The following PHF3 variants were observed in gnomAD, a reference collection of about 807,000 sequenced individuals.
The protein encoded by PHF3 is PHD finger protein 3.
Under a neutral mutation model 178.4 loss-of-function variants are expected in PHF3, and 41 were observed. That is an observed-to-expected ratio of 0.23 (90% CI 0.18 to 0.30). The LOEUF is 0.30. PHF3 is among the 10% of genes least tolerant of loss of function. The probability of loss-of-function intolerance (pLI) is 1.00; values close to 1 mark genes in which losing one functional copy is unlikely to be tolerated. For missense variants in PHF3, 2,346 were observed against 2,398.1 expected, an observed-to-expected ratio of 0.98 and a Z score of 0.45; for synonymous variants, 842 against 800.5, an observed-to-expected ratio of 1.05 and a Z score of -0.88.
intron 4 of PHF3, among the ~76,000 whole-genome samples, chr6:63,690,297 C>T (rs1364241779): frequency 6.6e-6 from 1 of 152,030 alleles, no homozygotes; most frequent in Non-Finnish European, 1.5e-5. Flanking sequence ...CTAAAGCTAG[C>T]ACAGGTATTA....
Position 63,636,148 on chromosome 6 carries a change from T to G in PHF3, c.-28T>G. 2.6e-6 allele frequency: 1 copy of G among 386,770 alleles called. No homozygotes were observed. Among genetic ancestry groups the G allele is most frequent in the Non-Finnish European group, 4.6e-6 (1 of 219,282 alleles). The allele number at this position is 386,770 out of a possible 1,614,324, so 24.0% of individuals were successfully genotyped here. A position where few individuals can be genotyped will look rare whatever the true frequency, so the allele number is the denominator to read the frequency against. Reference sequence around the variant, plus strand: ...AGTGGTAGCGCTCGTCTGGCGGAGCTGGGTGAGTTGCGGCTGTGGCCGCGG... The same window carrying G: ...AGTGGTAGCGCTCGTCTGGCGGAGCGGGGTGAGTTGCGGCTGTGGCCGCGG... On this transcript the variant is annotated splice_region_variant and 5_prime_UTR_variant, in exon 1 of 16. Transcript: ENST00000262043.
chr6:63,686,315 A>G (rs1437624072), intron 4 of PHF3: 1 of 162,070 alleles, frequency 6.2e-6, no homozygotes, highest in African/African-American at 2.4e-5. Flanking sequence ...TATGAAGGTC[A>G]TAATGGAAAT....
At chr6:63,636,327 C>A (rs756102138) in intron 1 of PHF3, among the ~76,000 whole-genome samples, 177 bp downstream of exon 1, 15 of 152,216 alleles carry the variant, frequency 9.9e-5, no homozygotes, top group Non-Finnish European at 2.1e-4. Context: ...CGTCCTCGGC[C>A]TACCTGGGCC....
rs1013908596 is a variant in PHF3 at position 63,717,172 on chromosome 6, C to T, written c.*3464C>T. On this transcript the variant is annotated 3_prime_UTR_variant, in exon 16 of 16. Transcript: ENST00000262043. Reference sequence around the variant, plus strand: ...GAAAAGTGAAGCCACTCCATGTTAACGTGTGTGTTAACATAAAACTACCCG... The same window carrying T: ...GAAAAGTGAAGCCACTCCATGTTAATGTGTGTGTTAACATAAAACTACCCG... 1.3e-5 allele frequency among the ~76,000 whole-genome samples: 2 copies of T among 151,970 alleles called. No individual in the cohort carries two copies. The highest frequency in any genetic ancestry group is 6.6e-5 in the Admixed American group (1 of 15,208).
chr6:63,660,081 C>T (rs1765401985), intron 2 of PHF3, among the ~76,000 whole-genome samples: 1 of 151,912 alleles, frequency 6.6e-6, no homozygotes, highest in African/African-American at 2.4e-5. Flanking sequence ...CTTGAAAGAA[C>T]AAAGAAGATA....
chr6:63,701,944 A>G (rs1251395710), intron 9 of PHF3, among the ~76,000 whole-genome samples: 1 of 152,224 alleles, frequency 6.6e-6, no homozygotes, highest in East Asian at 1.9e-4. Flanking sequence ...TACCTGTTCT[A>G]TTCCTGGCTA....
intron 2 of PHF3, among the ~76,000 whole-genome samples, chr6:63,648,525 T>G (rs1269150765): frequency 6.6e-6 from 1 of 152,242 alleles, no homozygotes; most frequent in East Asian, 1.9e-4. Flanking sequence ...CCTGTATTCC[T>G]ACTTCCTGTC....
chr6:63,703,573 G>C lies in PHF3; in HGVS notation c.3269G>C (p.Gly1090Ala). Residue 1090 changes from glycine (G) to alanine (A), a missense_variant, in exon 11 of 16, where the codon GGA becomes GCA. Physicochemically the swap from Gly to Ala is moderately conservative, Grantham distance 60. Around this residue, in one of 8 missense-constraint regions of PHF3, gnomAD observed 205 missense variants for 212.4 expected, o/e 0.97. Coordinates refer to ENST00000262043, the MANE Select transcript of PHF3 (RefSeq NM_001370348.2). ...AATAAGTCATTGGAGAAGCCAGAAG[G>C]ATCTGAAAAACAAAAAGAGGAGGTT... The part of the protein sequence containing the change: ...AANKSLEKPE[G>A]SEKQKEEVDS... 1 of 1,612,854 alleles carries C rather than the reference G, an allele frequency of 6.2e-7. No homozygotes were observed. The highest frequency in any genetic ancestry group is 1.1e-5 in the South Asian group (1 of 90,812).
rs370215695 is a variant in PHF3 at position 63,713,499 on chromosome 6, A to C, written c.5911A>C (p.Arg1971=). The C allele has an allele frequency of 6.2e-7, 1 of 1,613,742 alleles. No individual in the cohort carries two copies. The highest frequency in any genetic ancestry group is 1.3e-5 in the African/African-American group (1 of 74,898). ...SREEGHKDKE[R]ARLSHGDRGT... is the part of the protein sequence containing the mutation. ...GGAGGAAGGGCACAAAGATAAAGAG[A>C]GGGCACGGTTATCACATGGTGATCG... Residue 1971 remains arginine (R), a synonymous_variant, in exon 16 of 16, where the codon AGG becomes CGG. Coordinates refer to ENST00000262043, the MANE Select transcript of PHF3 (RefSeq NM_001370348.2).
chr6:63,687,089 CTTACAT>C (rs2149586404), intron 4 of PHF3, among the ~76,000 whole-genome samples: 1 of 152,296 alleles, frequency 6.6e-6, no homozygotes, highest in East Asian at 1.9e-4. Context: ...TTCACTGTCA[CTTACAT>C]GCTCTTAATT....
intron 3 of PHF3, among the ~76,000 whole-genome samples, chr6:63,683,369 C>G (rs1027298666): frequency 1.3e-5 from 2 of 151,916 alleles, no homozygotes; most frequent in African/African-American, 4.8e-5. Flanking sequence ...CTCCTTTCTC[C>G]TGATACAAGG....
chr6:63,663,636 A>C (rs899871029), intron 2 of PHF3, among the ~76,000 whole-genome samples: 1 of 152,124 alleles, frequency 6.6e-6, no homozygotes, highest in African/African-American at 2.4e-5. Flanking sequence ...ATCTTGACTC[A>C]GAATTTTTGG....
chr6:63,663,658 G>C (rs1384595094), intron 2 of PHF3, among the ~76,000 whole-genome samples: 1 of 152,100 alleles, frequency 6.6e-6, no homozygotes, highest in Non-Finnish European at 1.5e-5. Flanking sequence ...CTTGGTTTTA[G>C]TTAGGATTAC....
chr6:63,648,162 A>G (rs2149541445), intron 2 of PHF3, among the ~76,000 whole-genome samples: 1 of 152,066 alleles, frequency 6.6e-6, no homozygotes, highest in South Asian at 2.1e-4. Flanking sequence ...TGAATTATTT[A>G]TATTATGTTG....
At position 63,717,721 on chromosome 6, in the gene PHF3, A is replaced by G. The variant is rs1243615326; in HGVS notation, c.*4013A>G. ...TAAATATCCCCAAAATACTTTTTCT[A>G]TGAAATAATTCAGTGTGTGCATGTC... On this transcript the variant is annotated 3_prime_UTR_variant, in exon 16 of 16. Transcript: ENST00000262043. Among the ~76,000 whole-genome samples the G allele has an allele frequency of 2.0e-5, 3 of 151,982 alleles. No homozygotes were observed. The highest frequency in any genetic ancestry group is 4.4e-5 in the Non-Finnish European group (3 of 67,928).
Position 63,721,312 on chromosome 6 carries a change from C to A in PHF3, c.*7604C>A. ...GACACAGACTGGTTACATGTATTTC[C>A]AGCCCAATCTGGCAAACATCTGCAA... On this transcript the variant is annotated 3_prime_UTR_variant, in exon 16 of 16. Transcript: ENST00000262043. 1 of 1,551,956 alleles carries A rather than the reference C, an allele frequency of 6.4e-7. No homozygotes were observed. Among genetic ancestry groups the A allele is most frequent in the Non-Finnish European group, 8.7e-7 (1 of 1,147,002 alleles).
At position 63,725,095 on chromosome 6, in the gene PHF3, G is replaced by A. The variant is rs1045317549; in HGVS notation, c.*11387G>A. ...TTTTGGTTAATCTAGGTTTAAGCATGTAGAACTTATATTTTTAATATTTAA... is the reference window on the plus strand; with the variant it reads ...TTTTGGTTAATCTAGGTTTAAGCATATAGAACTTATATTTTTAATATTTAA... On this transcript the variant is annotated 3_prime_UTR_variant, in exon 16 of 16. Transcript: ENST00000262043. 1.3e-5 allele frequency among the ~76,000 whole-genome samples: 2 copies of A among 152,094 alleles called. No homozygotes were observed. Among genetic ancestry groups the A allele is most frequent in the African/African-American group, 4.8e-5 (2 of 41,434 alleles).
chr6:63,692,295 C>G (rs1767043201), intron 5 of PHF3, among the ~76,000 whole-genome samples: 1 of 152,032 alleles, frequency 6.6e-6, no homozygotes, highest in Non-Finnish European at 1.5e-5. Context: ...TAGTTTGGTA[C>G]TTGAATTTTC....
chr6:63,667,526 G>T (rs909119718), intron 2 of PHF3, among the ~76,000 whole-genome samples: 1 of 152,018 alleles, frequency 6.6e-6, no homozygotes. Flanking sequence ...TTCCCAAAAA[G>T]GACTTATATA....
Sources: allele counts gnomAD v4.1 joint callset (sites outside exome capture counted in the v4.1 genomes callset), GRCh38; gene constraint gnomAD v4.1.1; regional missense constraint gnomAD v4.1.1; transcripts MANE v1.5; gene names NCBI Gene and HGNC (gene_info 2026-07-23, HGNC 2026-07-21).